ATP13A5: variants seen among roughly 807,000 people sequenced by gnomAD.
The protein encoded by ATP13A5 is ATPase 13A5, also known as probable cation-transporting ATPase 13A5.
ATP13A5 carries 149 observed loss-of-function variants against 150.2 expected under a neutral mutation model. The observed-to-expected ratio is 0.99, with a 90% confidence interval of 0.87 to 1.14. The LOEUF (loss-of-function observed/expected upper bound fraction) is 1.14, where lower values mean the gene tolerates loss of function less well. ATP13A5 is among the 50% of genes most tolerant of loss of function. ATP13A5 has a pLI of 0.00. For missense variants in ATP13A5, 1,383 were observed against 1,449.3 expected, an observed-to-expected ratio of 0.95 and a Z score of 0.74; for synonymous variants, 497 against 522.2, an observed-to-expected ratio of 0.95 and a Z score of 0.66.
chr3:193,325,990 G>C (rs1719454004), intron 13 of ATP13A5, among the ~76,000 whole-genome samples: 1 of 152,186 alleles, frequency 6.6e-6, no homozygotes, highest in Admixed American at 6.5e-5. Flanking sequence ...AGCACCAGGA[G>C]CAGAGACACA....
intron 17 of ATP13A5, among the ~76,000 whole-genome samples, chr3:193,315,774 A>G (rs1317032760): frequency 6.6e-6 from 1 of 152,136 alleles, no homozygotes; most frequent in Non-Finnish European, 1.5e-5. Context: ...AGGGAGATAG[A>G]TCTGAACAAT....
intron 23 of ATP13A5, 29 bp from the exon 24 acceptor site, chr3:193,301,336 T>G (rs1261114811): frequency 6.4e-7 from 1 of 1,555,080 alleles, no homozygotes; most frequent in South Asian, 1.1e-5. Flanking sequence ...AAATAAAAAT[T>G]GGTTATGTAT....
rs986007517 is a variant in ATP13A5 at position 193,290,176 on chromosome 3, A to G, written c.2849-117T>C. The G allele has an allele frequency of 3.9e-6, 4 of 1,033,290 alleles. No individual in the cohort carries two copies. The Admixed American group carries it at 1.3e-4, about 33-fold the overall frequency. 64.0% of individuals were successfully genotyped at this position (1,033,290 alleles called of 1,614,324 possible). A position where few individuals can be genotyped will look rare whatever the true frequency, so the allele number is the denominator to read the frequency against. ...TGGGATTCAGACTAAGCAAACACGA[A>G]CAGAAGATTTACACCTAGGTAAGCA... On this transcript the variant is annotated intron_variant, in intron 25 of 29. Coordinates refer to ENST00000342358, the MANE Select transcript of ATP13A5 (RefSeq NM_198505.4).
chr3:193,289,036 A>T (rs938701626), intron 26 of ATP13A5, among the ~76,000 whole-genome samples: 4 of 152,164 alleles, frequency 2.6e-5, no homozygotes, highest in Non-Finnish European at 5.9e-5. Context: ...TCCTAGTTAT[A>T]CTTAAATTGC....
chr3:193,370,490 T>G (rs554626370), intron 1 of ATP13A5, among the ~76,000 whole-genome samples: 1 of 152,326 alleles, frequency 6.6e-6, no homozygotes, highest in South Asian at 2.1e-4. Context: ...GCTGAGGATA[T>G]GGCATGGGAA....
chr3:193,336,892 G>A (rs958025265), intron 9 of ATP13A5, among the ~76,000 whole-genome samples: 1 of 152,142 alleles, frequency 6.6e-6, no homozygotes, highest in African/African-American at 2.4e-5. Flanking sequence ...ATCCTCTCCA[G>A]CACCTGTTGT....
chr3:193,323,570 A>G (rs1445072048), intron 14 of ATP13A5: 1 of 152,252 alleles, frequency 6.6e-6, no homozygotes, highest in African/African-American at 2.4e-5. Flanking sequence ...GGCCAGGACC[A>G]AAGCCAGATA....
Position 193,335,058 on chromosome 3 carries a change from C to T in ATP13A5, c.985G>A (p.Glu329Lys). ...PVTKTPLPQM[E>K]NTMPWKCHSL... ...TGACATTTCCAAGGCATAGTGTTCT[C>T]CATCTGGGGCAATGGTGTCTTTGTA... is the stretch of plus-strand genomic sequence containing the variant. Residue 329 changes from glutamate to lysine, a missense_variant, in exon 10 of 30, where the codon GAG (glutamate) becomes AAG (lysine). Transcript: ENST00000342358. 1 of 1,613,908 alleles carries T rather than the reference C, an allele frequency of 6.2e-7. No homozygotes were observed. Among genetic ancestry groups the T allele is most frequent in the South Asian group, 1.1e-5 (1 of 91,062 alleles).
At chr3:193,297,017 T>C (rs1718200244) in intron 25 of ATP13A5, among the ~76,000 whole-genome samples, 1 of 152,086 alleles carries the variant, frequency 6.6e-6, no homozygotes, top group South Asian at 2.1e-4. Flanking sequence ...GATGCTGGGC[T>C]TAATACCTAG....
At chr3:193,323,609 T>C (rs1201621701) in intron 14 of ATP13A5, 1 of 152,200 alleles carries the variant, frequency 6.6e-6, no homozygotes. Flanking sequence ...CTCATCACCG[T>C]GTTTATCCCA....
At chr3:193,344,118 G>A (rs1712233980) in intron 8 of ATP13A5, 63 bp from the exon 9 acceptor site, 19 of 1,573,702 alleles carry the variant, frequency 1.2e-5, no homozygotes, top group Non-Finnish European at 1.5e-5. Context: ...AAGAATGAAG[G>A]CAACTAAGAA....
intron 9 of ATP13A5, among the ~76,000 whole-genome samples, chr3:193,337,924 G>A (rs1041558478): frequency 6.6e-6 from 1 of 152,140 alleles, no homozygotes; most frequent in Non-Finnish European, 1.5e-5. Flanking sequence ...GTGGTTTGTA[G>A]TTCTCCTTGA....
chr3:193,376,349 A>G (rs562964843), intron 1 of ATP13A5, among the ~76,000 whole-genome samples: 18 of 152,182 alleles, frequency 1.2e-4, no homozygotes, highest in African/African-American at 3.6e-4. Context: ...CACATGGTAG[A>G]AGGGACAAGG....
rs367570221 is a variant in ATP13A5 at position 193,322,487 on chromosome 3, A to T, written c.1758+4T>A. 3 of 1,609,710 alleles carry T rather than the reference A, an allele frequency of 1.9e-6. No individual in the cohort carries two copies. Among genetic ancestry groups the T allele is most frequent in the Middle Eastern group, 1.6e-4 (1 of 6,078 alleles). ...GCTATGTGATGTAAAGAAGGAAATC[A>T]TACCTTACTGGCTTTTGGTCCTGGT... On this transcript the variant is annotated splice_donor_region_variant and intron_variant, in intron 15 of 29. Coordinates refer to ENST00000342358, the MANE Select transcript of ATP13A5 (RefSeq NM_198505.4).
At chr3:193,344,807 C>T (rs962576763) in intron 8 of ATP13A5, among the ~76,000 whole-genome samples, 196 bp downstream of exon 8, 6 of 152,172 alleles carry the variant, frequency 3.9e-5, no homozygotes, top group Admixed American at 3.9e-4. Flanking sequence ...CAGGGCCCTG[C>T]AGCTGTGGGG....
intron 27 of ATP13A5, chr3:193,281,061 A>G (rs753254445): frequency 1.9e-5 from 6 of 310,288 alleles, no homozygotes; most frequent in African/African-American, 1.1e-4. Flanking sequence ...AGCACGTCTC[A>G]GAAGTGCTTG....
chr3:193,342,954 A>G (rs768968353), intron 9 of ATP13A5, among the ~76,000 whole-genome samples: 43 of 152,228 alleles, frequency 2.8e-4, no homozygotes, highest in Non-Finnish European at 5.9e-4. Flanking sequence ...CTATCATTAT[A>G]GGACACATTT....
intron 25 of ATP13A5, among the ~76,000 whole-genome samples, chr3:193,293,306 A>T (rs906314826): frequency 6.6e-6 from 1 of 152,136 alleles, no homozygotes; most frequent in Non-Finnish European, 1.5e-5. Context: ...CCTTAAAATG[A>T]TGATGATATA....
At chr3:193,322,657 A>G (rs1300113355) in intron 14 of ATP13A5, 83 bp from the exon 15 acceptor site, 1 of 993,570 alleles carries the variant, frequency 1.0e-6, no homozygotes, top group Non-Finnish European at 1.5e-6. Context: ...CAATACTTTA[A>G]TCTTTTCAAA....
Sources: allele counts gnomAD v4.1 joint callset (sites outside exome capture counted in the v4.1 genomes callset), GRCh38; gene constraint gnomAD v4.1.1; transcripts MANE v1.5; gene names NCBI Gene and HGNC (gene_info 2026-07-23, HGNC 2026-07-21).